The following CTTNBP2 variants were observed in gnomAD, a reference collection of about 807,000 sequenced individuals.
CTTNBP2 encodes the protein cortactin binding protein 2, also known as cortactin-binding protein 2.
In CTTNBP2, 108 loss-of-function variants were observed where a neutral mutation model predicts 156.9. The observed-to-expected ratio is 0.69, with a 90% CI of 0.59 to 0.81. The LOEUF (loss-of-function observed/expected upper bound fraction) is 0.81. Among genes scored for constraint, CTTNBP2 ranks in the 30% least tolerant of loss-of-function variants. The pLI, the probability that CTTNBP2 is intolerant of heterozygous loss-of-function variation, is 0.00. For missense variants in CTTNBP2, 1,924 were observed against 2,035.4 expected, an observed-to-expected ratio of 0.95 and a Z score of 1.05; for synonymous variants, 767 against 751.8, an observed-to-expected ratio of 1.02 and a Z score of -0.33.
intron 7 of CTTNBP2, among the ~76,000 whole-genome samples, chr7:117,778,681 G>C (rs1798243087): frequency 6.6e-6 from 1 of 152,072 alleles, no homozygotes; most frequent in East Asian, 1.9e-4. Context: ...GTTATTCTGG[G>C]AAAAATCTAG....
intron 4 of CTTNBP2, among the ~76,000 whole-genome samples, chr7:117,785,351 CAGTAA>C (rs1798652804): frequency 2.0e-5 from 3 of 152,092 alleles, no homozygotes; most frequent in Admixed American, 2.0e-4. Context: ...GCTGTAAAAA[CAGTAA>C]AGTAAAAAAT....
chr7:117,719,189 G>GAA (rs1330484143), intron 21 of CTTNBP2, among the ~76,000 whole-genome samples: 1 of 152,122 alleles, frequency 6.6e-6, no homozygotes, highest in African/African-American at 2.4e-5. Context: ...CGACAAGAGC[G>GAA]AAACTCCATC....
At chr7:117,814,917 C>T (rs1800492439) in intron 2 of CTTNBP2, among the ~76,000 whole-genome samples, 1 of 152,090 alleles carries the variant, frequency 6.6e-6, no homozygotes, top group Non-Finnish European at 1.5e-5. Flanking sequence ...TTATTTGTTG[C>T]TTAAGACACC....
chr7:117,810,354 T>C (rs1274563490), intron 3 of CTTNBP2, among the ~76,000 whole-genome samples: 4 of 152,196 alleles, frequency 2.6e-5, no homozygotes, highest in East Asian at 1.9e-4. Context: ...TAATTGCAAA[T>C]AACTATTTTA....
At chr7:117,756,701 C>T (rs1051469025) in intron 11 of CTTNBP2, 67 bp from the exon 12 acceptor site, 2 of 1,011,678 alleles carry the variant, frequency 2.0e-6, no homozygotes. Context: ...CAAAACACAA[C>T]AGAATCTATC....
chr7:117,836,051 G>T (rs1169820992), intron 2 of CTTNBP2, among the ~76,000 whole-genome samples: 1 of 152,152 alleles, frequency 6.6e-6, no homozygotes, highest in Non-Finnish European at 1.5e-5. Context: ...TTCAAGAAGA[G>T]GGAATAGGAT....
At chr7:117,806,449 A>G (rs1799947566) in intron 3 of CTTNBP2, among the ~76,000 whole-genome samples, 1 of 152,308 alleles carries the variant, frequency 6.6e-6, no homozygotes, top group African/African-American at 2.4e-5. Flanking sequence ...CATACTCTTG[A>G]TTGCTCTCCC....
intron 2 of CTTNBP2, among the ~76,000 whole-genome samples, chr7:117,843,202 C>T (rs974917949): frequency 6.6e-5 from 10 of 152,222 alleles, no homozygotes; most frequent in South Asian, 6.2e-4. Flanking sequence ...TATGTGTAGG[C>T]TGCATGCAAA....
At chr7:117,818,408 G>A (rs1279774545) in intron 2 of CTTNBP2, among the ~76,000 whole-genome samples, 2 of 152,182 alleles carry the variant, frequency 1.3e-5, no homozygotes, top group East Asian at 3.8e-4. Context: ...GATACAAAAA[G>A]CCACAGCGGA....
intron 2 of CTTNBP2, among the ~76,000 whole-genome samples, chr7:117,827,023 T>C (rs1801330300): frequency 6.6e-6 from 1 of 152,022 alleles, no homozygotes; most frequent in Non-Finnish European, 1.5e-5. Flanking sequence ...TGCACCCAGC[T>C]AATTTTCATA....
intron 2 of CTTNBP2, among the ~76,000 whole-genome samples, chr7:117,847,904 C>T (rs898646003): frequency 4.1e-5 from 6 of 145,372 alleles, no homozygotes; most frequent in East Asian, 2.0e-4. Flanking sequence ...CAGCAATCTC[C>T]GCCTCCCAGG....
rs35935853 is a variant in CTTNBP2 at position 117,827,937 on chromosome 7, T to A, written c.190-16948A>T. On this transcript the variant is annotated intron_variant, in intron 2 of 22. Coordinates refer to ENST00000160373, the MANE Select transcript of CTTNBP2 (RefSeq NM_033427.3). ...CGAATGGTGGGGGCAGTTGTTCTCC[T>A]GTACTCCCACTATGCCCAGCCCCAA... 5.8e-4 allele frequency among the ~76,000 whole-genome samples: 88 copies of A among 152,320 alleles called. 2 individuals are homozygous for A. Among genetic ancestry groups the A allele is most frequent in the African/African-American group, 2.0e-3 (84 of 41,566 alleles).
chr7:117,773,139 C>G (rs1307709714), intron 8 of CTTNBP2, among the ~76,000 whole-genome samples: 1 of 152,160 alleles, frequency 6.6e-6, no homozygotes, highest in Non-Finnish European at 1.5e-5. Context: ...TTTGCAGGCA[C>G]CTAATCTAAT....
intron 2 of CTTNBP2, among the ~76,000 whole-genome samples, chr7:117,856,530 T>C (rs773483265): frequency 9.9e-5 from 15 of 152,228 alleles, no homozygotes; most frequent in African/African-American, 1.7e-4. Flanking sequence ...TCCTATGTTA[T>C]TGGGGTCATA....
intron 2 of CTTNBP2, among the ~76,000 whole-genome samples, chr7:117,848,652 T>C (rs899581578): frequency 6.6e-6 from 1 of 152,230 alleles, no homozygotes; most frequent in South Asian, 2.1e-4. Context: ...TCCGTTTTAA[T>C]TGATTCAGGA....
chr7:117,804,694 C>T (rs1395213748), intron 3 of CTTNBP2, among the ~76,000 whole-genome samples: 2 of 152,172 alleles, frequency 1.3e-5, no homozygotes, highest in Non-Finnish European at 2.9e-5. Flanking sequence ...ACTGCATGTT[C>T]TCACTTATAA....
At chr7:117,745,444 A>T (rs1796275057) in intron 14 of CTTNBP2, among the ~76,000 whole-genome samples, 2 of 152,328 alleles carry the variant, frequency 1.3e-5, no homozygotes, top group Admixed American at 1.3e-4. Flanking sequence ...AGAATTTATG[A>T]GTAATAAAAT....
chr7:117,808,420 A>G (rs1163405835), intron 3 of CTTNBP2, among the ~76,000 whole-genome samples: 1 of 152,142 alleles, frequency 6.6e-6, no homozygotes, highest in East Asian at 1.9e-4. Flanking sequence ...GCCTCAGTCC[A>G]TTTGCCAAAT....
chr7:117,774,836 A>T (rs557967309), intron 8 of CTTNBP2, among the ~76,000 whole-genome samples: 1 of 152,292 alleles, frequency 6.6e-6, no homozygotes, highest in South Asian at 2.1e-4. Context: ...GAAAAGAAAA[A>T]AAAATATTTT....
Sources: gnomAD v4.1 joint callset for allele counts (sites outside exome capture counted in the v4.1 genomes callset) on GRCh38, gnomAD v4.1.1 for gene constraint, MANE v1.5 for transcripts, NCBI Gene and HGNC (gene_info 2026-07-23, HGNC 2026-07-21) for gene names.